ARSB: variants seen among roughly 807,000 people sequenced by gnomAD.
ARSB encodes the protein arylsulfatase B, also known as N-acetylgalactosamine-4-sulfatase.
ARSB carries 41 observed loss-of-function variants against 50.9 expected under a neutral mutation model. That is an observed-to-expected ratio of 0.81 (90% CI 0.63 to 1.04). The LOEUF (loss-of-function observed/expected upper bound fraction) is 1.04, where lower values mean the gene tolerates loss of function less well. Among genes scored for constraint, ARSB ranks in the 50% least tolerant of loss-of-function variants. The pLI is 0.00. For synonymous variants in ARSB, 269 were observed against 284.8 expected, an observed-to-expected ratio of 0.94 and a Z score of 0.56; for missense variants, 672 against 693.3, an observed-to-expected ratio of 0.97 and a Z score of 0.35.
rs3035252 is a variant in ARSB at position 78,787,138 on chromosome 5, A to ATCTATCTATC, written c.1214-5165_1214-5164insGATAGATAGA. ...TCTATCTATCTATCTATCTATCTAT[A>ATCTATCTATC]TAGATACAGGTTTCACTATGTTGGC... is the stretch of plus-strand genomic sequence containing the variant. On this transcript the variant is annotated intron_variant, in intron 6 of 7. Transcript: ENST00000264914. Among the ~76,000 whole-genome samples, 1,021 of 112,266 alleles carry ATCTATCTATC rather than the reference A, an allele frequency of 9.1e-3. 9 individuals carry two copies. The highest frequency in any genetic ancestry group is 0.028 in the Middle Eastern group (6 of 212). The allele number at this position is 112,266 out of a possible 152,430, so 73.7% of individuals were successfully genotyped here.
Position 78,953,226 on chromosome 5 carries a change from A to G in ARSB, c.898+2069T>C, listed in dbSNP as rs189978300. Among the ~76,000 whole-genome samples the G allele has an allele frequency of 1.6e-4, 24 of 152,364 alleles. 1 individual carries two copies. The East Asian group carries it at 4.6e-3, about 29-fold the overall frequency. The stretch of plus-strand genomic sequence containing the variant: ...TATTCTGGCCCTGCCCAGGCTCCTC[A>G]GTAGATCAATATTGCAGCACACCAT... On this transcript the variant is annotated intron_variant, in intron 4 of 7. Coordinates refer to ENST00000264914, the MANE Select transcript of ARSB (RefSeq NM_000046.5).
rs55710452 is a variant in ARSB at position 78,778,928 on chromosome 5, G to A, written c.*1469C>T. The A allele has an allele frequency of 0.066, 9,994 of 152,200 alleles. 415 individuals carry two copies. Among genetic ancestry groups the A allele is most frequent in the Middle Eastern group, 0.13 (39 of 294 alleles). The allele number at this position is 152,200 out of a possible 1,614,324, so 9.4% of individuals were successfully genotyped here. A position where few individuals can be genotyped will look rare whatever the true frequency, so the allele number is the denominator to read the frequency against. On this transcript the variant is annotated 3_prime_UTR_variant, in exon 8 of 8. Coordinates refer to ENST00000264914, the MANE Select transcript of ARSB (RefSeq NM_000046.5). ...AGCTATTTGGGTGCCTGAGGTGGGAGAATCACTTGAGCCCAGGAGTTTGAG... is the reference window on the plus strand; with the variant it reads ...AGCTATTTGGGTGCCTGAGGTGGGAAAATCACTTGAGCCCAGGAGTTTGAG...
intron 4 of ARSB, among the ~76,000 whole-genome samples, chr5:78,894,486 G>A (rs1346025367): frequency 6.6e-6 from 1 of 152,168 alleles, no homozygotes; most frequent in Non-Finnish European, 1.5e-5. Context: ...GAGTGGACAG[G>A]CAGTTTCATT....
intron 4 of ARSB, among the ~76,000 whole-genome samples, chr5:78,909,496 C>G (rs1322167141): frequency 6.6e-6 from 1 of 152,248 alleles, no homozygotes; most frequent in South Asian, 2.1e-4. Context: ...TGTAACTTTG[C>G]CCCAACCTTG....
chr5:78,887,803 A>G (rs1475955120), intron 4 of ARSB, among the ~76,000 whole-genome samples: 1 of 152,210 alleles, frequency 6.6e-6, no homozygotes, highest in African/African-American at 2.4e-5. Flanking sequence ...TATCCCTAGT[A>G]TAGAGTGGGC....
intron 1 of ARSB, among the ~76,000 whole-genome samples, chr5:78,969,927 T>C (rs1301052308): frequency 1.3e-5 from 2 of 152,200 alleles, no homozygotes; most frequent in Non-Finnish European, 2.9e-5. Context: ...CTGAGTTATT[T>C]AACAGTATAA....
At chr5:78,859,204 G>A (rs886186407) in intron 5 of ARSB, among the ~76,000 whole-genome samples, 2 of 152,012 alleles carry the variant, frequency 1.3e-5, no homozygotes, top group African/African-American at 2.4e-5. Flanking sequence ...GTATAGGCAC[G>A]GAAATTAGAA....
At chr5:78,882,343 G>A (rs1275926156) in intron 5 of ARSB, among the ~76,000 whole-genome samples, 2 of 152,182 alleles carry the variant, frequency 1.3e-5, no homozygotes, top group Non-Finnish European at 1.5e-5. Context: ...AAGAGAGCAG[G>A]AGGAGGTCAG....
At chr5:78,848,005 T>G (rs1174293129) in intron 5 of ARSB, among the ~76,000 whole-genome samples, 1 of 151,802 alleles carries the variant, frequency 6.6e-6, no homozygotes, top group Non-Finnish European at 1.5e-5. Flanking sequence ...AAAAACCAAC[T>G]TTTAATTTCA....
At chr5:78,827,867 T>C (rs1744503960) in intron 6 of ARSB, among the ~76,000 whole-genome samples, 1 of 152,078 alleles carries the variant, frequency 6.6e-6, no homozygotes, top group Non-Finnish European at 1.5e-5. Context: ...TTCTGATTTT[T>C]TTTTTTTTTT....
intron 3 of ARSB, among the ~76,000 whole-genome samples, chr5:78,956,281 A>T (rs368965995): frequency 6.6e-6 from 1 of 152,326 alleles, no homozygotes; most frequent in East Asian, 1.9e-4. Context: ...TCCTCATATT[A>T]TGTAATTTCA....
intron 6 of ARSB, among the ~76,000 whole-genome samples, chr5:78,799,157 T>C (rs1201126007): frequency 6.6e-6 from 1 of 152,150 alleles, no homozygotes; most frequent in Non-Finnish European, 1.5e-5. Flanking sequence ...AGCTCTGCAA[T>C]TGACTTAGAA....
intron 3 of ARSB, 113 bp from the exon 4 acceptor site, chr5:78,955,615 G>T: frequency 1.2e-6 from 1 of 857,098 alleles, no homozygotes; most frequent in Non-Finnish European, 1.9e-6. Flanking sequence ...ACAACCTACA[G>T]AATGCATTGA....
At chr5:78,984,764 G>A (rs1753075283) in intron 1 of ARSB, among the ~76,000 whole-genome samples, 173 bp downstream of exon 1, 1 of 151,996 alleles carries the variant, frequency 6.6e-6, no homozygotes. Flanking sequence ...GGCCGCGGCG[G>A]GCTGCCGGCC....
chr5:78,970,094 T>G (rs1478824008), intron 1 of ARSB, among the ~76,000 whole-genome samples: 3 of 152,202 alleles, frequency 2.0e-5, no homozygotes, highest in African/African-American at 7.2e-5. Flanking sequence ...GCAACTAAAC[T>G]TTAAGCAATG....
In ARSB at chr5:78,877,650, A is replaced by G. The variant is rs141193324; in HGVS notation, c.1142+7934T>C. ...GTGATCCACCCGCCTTGGCCTCCCA[A>G]AGTGCTGGGATTACAGGTGTGAGCC... On this transcript the variant is annotated intron_variant, in intron 5 of 7. Transcript: ENST00000264914. Among the ~76,000 whole-genome samples, 988 of 152,244 alleles carry G rather than the reference A, an allele frequency of 6.5e-3. 33 individuals carry two copies. The East Asian group carries it at 0.12, about 18-fold the overall frequency.
intron 4 of ARSB, among the ~76,000 whole-genome samples, chr5:78,938,339 G>A (rs1010672381): frequency 2.6e-5 from 4 of 152,162 alleles, no homozygotes; most frequent in Non-Finnish European, 5.9e-5. Context: ...CTCTCAGTGT[G>A]GACATTAACA....
At chr5:78,885,231 T>C in intron 5 of ARSB, 1 of 344,948 alleles carries the variant, frequency 2.9e-6, no homozygotes, top group Non-Finnish European at 5.2e-6. Context: ...CCTGCTGTTT[T>C]GTCCTCCATT....
intron 4 of ARSB, among the ~76,000 whole-genome samples, chr5:78,926,778 A>G (rs1281956225): frequency 1.3e-5 from 2 of 152,234 alleles, no homozygotes; most frequent in Non-Finnish European, 2.9e-5. Flanking sequence ...GCAATTATGA[A>G]GCTACCATCT....
Sources: gnomAD v4.1 joint callset for allele counts (sites outside exome capture counted in the v4.1 genomes callset) on GRCh38, gnomAD v4.1.1 for gene constraint, MANE v1.5 for transcripts, NCBI Gene and HGNC (gene_info 2026-07-23, HGNC 2026-07-21) for gene names.